ATR: variants seen among roughly 807,000 people sequenced by gnomAD.
ATR encodes the protein serine/threonine-protein kinase ATR.
Under a neutral mutation model 305.3 loss-of-function variants are expected in ATR, and 142 were observed. That is an observed-to-expected ratio of 0.47 (90% CI 0.41 to 0.53). ATR has a LOEUF of 0.53. Among genes scored for constraint, ATR ranks in the 20% least tolerant of loss-of-function variants. The probability of loss-of-function intolerance (pLI) is 0.00; values close to 1 mark genes in which losing one functional copy is unlikely to be tolerated. For missense variants in ATR, 2,135 were observed against 3,133.1 expected (o/e 0.68, Z 7.60); for synonymous variants, 1,050 against 1,068.1 (o/e 0.98, Z 0.33).
At chr3:142,573,376 A>C (rs970419393) in intron 1 of ATR, among the ~76,000 whole-genome samples, 2 of 150,666 alleles carry the variant, frequency 1.3e-5, no homozygotes, top group African/African-American at 4.9e-5. Context: ...AATCGCTGGG[A>C]CATGGAGGTG....
chr3:142,459,154 A>T (rs2108260913), intron 43 of ATR, 43 bp from the exon 44 acceptor site: 1 of 1,612,654 alleles, frequency 6.2e-7, no homozygotes. Context: ...TATACATATG[A>T]GGCCAATATA....
In ATR at chr3:142,470,091, TC is replaced by T; in HGVS notation, c.6313del (p.Glu2105LysfsTer11). 6.2e-7 allele frequency: 1 copy of T among 1,602,624 alleles called. No individual in the cohort carries two copies. The highest frequency in any genetic ancestry group is 8.5e-7 in the Non-Finnish European group (1 of 1,170,786). Reference protein sequence around the residue: ...LDYGTKAYEWEKAGRSDRVQM... With the variant: ...LDYGTKAYEWXKAGRSDRVQM... The stretch of plus-strand genomic sequence containing the variant: ...TTTTACGTGAAGAGTTATACCTTTT[TC>T]CCATTCATATGCCTTTGTACCATAA... On this transcript the variant is annotated frameshift_variant, in exon 37 of 47. Coordinates refer to ENST00000350721, the MANE Select transcript of ATR (RefSeq NM_001184.4). LOFTEE classifies it high-confidence loss of function.
intron 46 of ATR, 196 bp from the exon 47 acceptor site, chr3:142,449,798 G>T (rs1040530955): frequency 3.0e-5 from 18 of 599,622 alleles, no homozygotes; most frequent in African/African-American, 2.8e-4. Flanking sequence ...TCGCAAGATT[G>T]ATTCAACATC....
chr3:142,578,042 C>A (rs376738333), intron 1 of ATR, among the ~76,000 whole-genome samples: 6 of 152,316 alleles, frequency 3.9e-5, no homozygotes, highest in African/African-American at 1.2e-4. Context: ...TCTCCAATTT[C>A]TGACTAAAAT....
intron 45 of ATR, among the ~76,000 whole-genome samples, chr3:142,455,107 A>G (rs2070877046): frequency 6.6e-6 from 1 of 152,230 alleles, no homozygotes; most frequent in Non-Finnish European, 1.5e-5. Context: ...TATCAATTAT[A>G]TATCTATGCA....
chr3:142,560,939 AAAAT>A (rs2034857272), intron 5 of ATR, among the ~76,000 whole-genome samples: 1 of 152,240 alleles, frequency 6.6e-6, no homozygotes, highest in African/African-American at 2.4e-5. Context: ...CACTTTATAA[AAAAT>A]AGTTGGTTAA....
chr3:142,578,550 T>G, intron 1 of ATR, 96 bp downstream of exon 1: 1 of 1,376,832 alleles, frequency 7.3e-7, no homozygotes, highest in South Asian at 1.3e-5. Context: ...GCTTAGGGGA[T>G]CCCAGCCATA....
At chr3:142,485,401 C>A in intron 35 of ATR, 119 bp from the exon 36 acceptor site, 1 of 1,189,788 alleles carries the variant, frequency 8.4e-7, no homozygotes, top group South Asian at 1.5e-5. Context: ...AGAGCAAAGT[C>A]AAAAGCAGAC....
At position 142,515,511 on chromosome 3, in the gene ATR, T is replaced by TA. The variant is rs1291065389; in HGVS notation, c.4386_4387insT (p.Lys1463Ter). ...CAATCGGTTGACTTCTGAGAACTCT[T>TA]GTATCTGTAATTTTGAAAATTTGTT... On this transcript the variant is annotated frameshift_variant, in exon 25 of 47. Transcript: ENST00000350721. LOFTEE classifies it high-confidence loss of function. 2 of 1,610,504 alleles carry TA rather than the reference T, an allele frequency of 1.2e-6. No homozygotes were observed. The highest frequency in any genetic ancestry group is 1.7e-6 in the Non-Finnish European group (2 of 1,176,972).
intron 29 of ATR, 114 bp from the exon 30 acceptor site, chr3:142,503,567 T>A: frequency 2.0e-6 from 1 of 488,030 alleles, no homozygotes; most frequent in Non-Finnish European, 3.4e-6. Context: ...TTGCCCTTAT[T>A]TTTTTATTAT....
At chr3:142,566,309 G>C (rs1364138963) in intron 2 of ATR, 48 bp from the exon 3 acceptor site, 7 of 1,595,240 alleles carry the variant, frequency 4.4e-6, no homozygotes, top group Non-Finnish European at 5.2e-6. Flanking sequence ...ATTAAACAAT[G>C]GTCCTTTTGT....
rs774799442 is a variant in ATR, at chr3:142,550,209, G to T, written c.2899C>A (p.Gln967Lys). Residue 967 changes from glutamine (Q) to lysine (K), a missense_variant, in exon 14 of 47, where the codon CAG becomes AAG. This residue lies in a region of ATR where 530 missense variants were observed against 766.8 expected (regional missense o/e 0.69). Transcript: ENST00000350721. ...AACGTATTTAAAGCCATTTCTCTCT[G>T]GTGAGCCACATCTTGTTTTCGCACG... is the stretch of plus-strand genomic sequence containing the variant. ...ADVRKQDVAHQREMALNTLSE... is the reference protein window; with the variant it reads ...ADVRKQDVAHKREMALNTLSE... The T allele has an allele frequency of 1.2e-6, 2 of 1,613,994 alleles. No homozygotes were observed. The highest frequency in any genetic ancestry group is 1.7e-6 in the Non-Finnish European group (2 of 1,179,998).
intron 3 of ATR, among the ~76,000 whole-genome samples, chr3:142,565,733 TAAAAAAAAAAA>T (rs55690216): frequency 8.8e-5 from 7 of 79,334 alleles, no homozygotes; most frequent in East Asian, 3.8e-4. Context: ...CTGTCTTATT[TAAAAAAAAAAA>T]AAAAAAAAAA....
Position 142,493,239 on chromosome 3 carries a change from G to T in ATR, c.5971C>A (p.Pro1991Thr), listed in dbSNP as rs757634741. ...ELCFPENETPPEGKNMLIHGR... is the reference protein window; with the variant it reads ...ELCFPENETPTEGKNMLIHGR... ...TGGATTAACATGTTCTTACCCTCAGGTGGGGTTTCATTTTCAGGAAAACAT... is the reference window on the plus strand; with the variant it reads ...TGGATTAACATGTTCTTACCCTCAGTTGGGGTTTCATTTTCAGGAAAACAT... Residue 1991 changes from proline to threonine, a missense_variant, in exon 35 of 47, where the codon CCT becomes ACT. By Grantham distance (38) the Pro-to-Thr change is conservative (BLOSUM62 -1). This residue lies in a region of ATR where 462 missense variants were observed against 887.6 expected (regional missense o/e 0.52). Transcript: ENST00000350721. 8 of 1,613,864 alleles carry T rather than the reference G, an allele frequency of 5.0e-6. No homozygotes were observed. In the East Asian group the frequency reaches 1.6e-4, roughly 31 times the overall value.
chr3:142,505,324 A>G, intron 28 of ATR, 21 bp from the exon 29 acceptor site: 4 of 1,611,298 alleles, frequency 2.5e-6, no homozygotes, highest in Non-Finnish European at 3.4e-6. Context: ...TGATTAAAAA[A>G]CAATCAAAAA....
chr3:142,560,252 G>A lies in ATR; in HGVS notation c.1541+11C>T. On this transcript the variant is annotated intron_variant, in intron 6 of 46. Transcript: ENST00000350721. Reference sequence around the variant, plus strand: ...GAAACCCAACCCCAAGAAACAAGAAGTTTGTTTTACCAGTTCATGTTTTGA... The same window carrying A: ...GAAACCCAACCCCAAGAAACAAGAAATTTGTTTTACCAGTTCATGTTTTGA... 1 of 1,611,614 alleles carries A rather than the reference G, an allele frequency of 6.2e-7. No homozygotes were observed. Among genetic ancestry groups the A allele is most frequent in the South Asian group, 1.1e-5 (1 of 91,008 alleles).
At chr3:142,490,137 T>C (rs1258656912) in intron 35 of ATR, among the ~76,000 whole-genome samples, 1 of 152,226 alleles carries the variant, frequency 6.6e-6, no homozygotes, top group Non-Finnish European at 1.5e-5. Flanking sequence ...TAGCTAACTG[T>C]AACCTTGAAC....
Position 142,498,815 on chromosome 3 carries a change from G to T in ATR, c.5381-41C>A, listed in dbSNP as rs34502778. 1.9e-6 allele frequency: 3 copies of T among 1,590,178 alleles called. No individual in the cohort carries two copies. The South Asian group carries it at 3.3e-5, about 18-fold the overall frequency. On this transcript the variant is annotated intron_variant, in intron 31 of 46. Coordinates refer to ENST00000350721, the MANE Select transcript of ATR (RefSeq NM_001184.4). ...AGAGTCAAGAAATGTCACGGTAGCTGGGTCCAAGAGTCAGCTTTATTTCAT... is the reference window on the plus strand; with the variant it reads ...AGAGTCAAGAAATGTCACGGTAGCTTGGTCCAAGAGTCAGCTTTATTTCAT...
chr3:142,462,905 C>T (rs2071051097), intron 41 of ATR, among the ~76,000 whole-genome samples: 1 of 152,204 alleles, frequency 6.6e-6, no homozygotes, highest in South Asian at 2.1e-4. Context: ...TTACATATTT[C>T]ATCTGATTGA....
Sources: allele counts gnomAD v4.1 joint callset (sites outside exome capture counted in the v4.1 genomes callset), GRCh38; gene constraint gnomAD v4.1.1; regional missense constraint gnomAD v4.1.1; transcripts MANE v1.5; gene names NCBI Gene and HGNC (gene_info 2026-07-23, HGNC 2026-07-21).